The following DIMT1 variants were observed in gnomAD, a reference collection of about 807,000 sequenced individuals.
DIMT1 encodes the protein dimethyladenosine transferase.
In DIMT1, 36 loss-of-function variants were observed where a neutral mutation model predicts 43.2. That is an observed-to-expected ratio of 0.83 (90% CI 0.64 to 1.10). The LOEUF is 1.10. Among genes scored for constraint, DIMT1 ranks in the 50% least tolerant of loss-of-function variants. The pLI is 0.00. For missense variants in DIMT1, 341 were observed against 385.3 expected (o/e 0.88, Z 0.96); for synonymous variants, 126 against 130.3 (o/e 0.97, Z 0.22).
At chr5:62,394,794 T>C (rs1264233581) in intron 6 of DIMT1, among the ~76,000 whole-genome samples, 187 bp from the exon 7 acceptor site, 2 of 152,218 alleles carry the variant, frequency 1.3e-5, no homozygotes, top group African/African-American at 4.8e-5. Flanking sequence ...TTATAATTGC[T>C]GTACTCCTCA....
At chr5:62,398,967 TTATG>T in intron 3 of DIMT1, 86 bp from the exon 4 acceptor site, 1 of 1,055,054 alleles carries the variant, frequency 9.5e-7, no homozygotes, top group South Asian at 1.5e-5. Flanking sequence ...CTTACATGAT[TTATG>T]TGACAAACTT....
rs750140575 is a variant in DIMT1, at chr5:62,390,982, T to C, written c.793A>G (p.Ile265Val). The C allele has an allele frequency of 1.9e-6, 3 of 1,611,002 alleles. No individual in the cohort carries two copies. The highest frequency in any genetic ancestry group is 2.5e-6 in the Non-Finnish European group (3 of 1,177,456). The change falls in exon 11 of 12, where the codon ATA becomes GTA. Residue 265 changes from isoleucine (I) to valine (V), a missense_variant and splice_region_variant. Ile to Val is a conservative substitution (Grantham distance 29). Transcript: ENST00000199320. ...YRIHCSVHNI[I>V]IPEDFSIADK... ...GCTATGCTGAAATCTTCTGGTATTA[T>C]CTATCAATATAAGATTCAGAATAAA... is the stretch of plus-strand genomic sequence containing the variant.
At position 62,398,888 on chromosome 5, in the gene DIMT1, T is replaced by TA. The variant is rs750317949; in HGVS notation, c.241-8dup. On this transcript the variant is annotated splice_polypyrimidine_tract_variant and splice_region_variant and intron_variant, in intron 3 of 11. Coordinates refer to ENST00000199320, the MANE Select transcript of DIMT1 (RefSeq NM_014473.4). The stretch of plus-strand genomic sequence containing the variant: ...CAAGTTCACAAGCAACAACCTAATT[T>TA]AAAAAAAATAAAAATTATTTAGGTT... 1.3e-5 allele frequency: 21 copies of TA among 1,586,928 alleles called. No homozygotes were observed. The highest frequency in any genetic ancestry group is 6.9e-5 in the Admixed American group (4 of 58,172).
At position 62,399,442 on chromosome 5, in the gene DIMT1, G is replaced by A. The variant is rs139392241; in HGVS notation, c.241-561C>T. Among the ~76,000 whole-genome samples, 380 of 149,254 alleles carry A rather than the reference G, an allele frequency of 2.5e-3. 4 individuals are homozygous for A. Among genetic ancestry groups the A allele is most frequent in the African/African-American group, 9.2e-3 (369 of 40,324 alleles). ...GATCGCACCATTGCACTCCAGCTTG[G>A]GCAAGAGACAGAGACTCTTGTCTCA... is the stretch of plus-strand genomic sequence containing the variant. On this transcript the variant is annotated intron_variant, in intron 3 of 11. Coordinates refer to ENST00000199320, the MANE Select transcript of DIMT1 (RefSeq NM_014473.4).
At chr5:62,396,555 T>C (rs188425125) in intron 6 of DIMT1, among the ~76,000 whole-genome samples, 5 of 152,204 alleles carry the variant, frequency 3.3e-5, no homozygotes, top group Admixed American at 1.3e-4. Context: ...GTAAGGTGGA[T>C]ACCTAACCAT....
chr5:62,389,800 A>G (rs189548233), intron 11 of DIMT1, among the ~76,000 whole-genome samples: 1 of 152,312 alleles, frequency 6.6e-6, no homozygotes, highest in Non-Finnish European at 1.5e-5. Flanking sequence ...ATACCTATGT[A>G]CTTAATAGAT....
In DIMT1 at chr5:62,401,495, C is replaced by CAAAA. The variant is rs563279122; in HGVS notation, c.240+537_240+540dup. Among the ~76,000 whole-genome samples, 250 of 60,510 alleles carry CAAAA rather than the reference C, an allele frequency of 4.1e-3. 2 individuals carry two copies. The highest frequency in any genetic ancestry group is 0.015 in the African/African-American group (243 of 15,974). The allele number at this position is 60,510 out of a possible 152,430, so 39.7% of individuals were successfully genotyped here. On this transcript the variant is annotated intron_variant, in intron 3 of 11. Coordinates refer to ENST00000199320, the MANE Select transcript of DIMT1 (RefSeq NM_014473.4). ...GGGGAACAGTGTGAAATTCCCTCTC[C>CAAAA]AAAAAAAAAAAAAAAAAAAAAAAAT...
chr5:62,389,251 T>C (rs975547064), intron 11 of DIMT1, among the ~76,000 whole-genome samples, 199 bp from the exon 12 acceptor site: 3 of 152,120 alleles, frequency 2.0e-5, no homozygotes. Flanking sequence ...TTTGGGAGGC[T>C]GAGGCGGGTG....
intron 1 of DIMT1, 71 bp downstream of exon 1, chr5:62,403,623 C>A: frequency 1.3e-6 from 2 of 1,522,168 alleles, no homozygotes; most frequent in Admixed American, 1.9e-5. Flanking sequence ...AGGTCTTGGT[C>A]CGCACCCCAG....
chr5:62,403,495 G>T (rs1214961157), intron 1 of DIMT1, 149 bp from the exon 2 acceptor site: 2 of 984,910 alleles, frequency 2.0e-6, no homozygotes. Flanking sequence ...CTCTTTATAA[G>T]TTCATCCTCC....
In DIMT1 at chr5:62,398,752, G is replaced by A; in HGVS notation, c.303-13C>T. The A allele has an allele frequency of 6.2e-7, 1 of 1,614,006 alleles. No individual in the cohort carries two copies. On this transcript the variant is annotated splice_polypyrimidine_tract_variant and intron_variant, in intron 4 of 11. Transcript: ENST00000199320. ...GCTGGCCACAGGCCTGATGAGAAAA[G>A]AAGAAATGTAAAAAGAATGTTGTTT... is the stretch of plus-strand genomic sequence containing the variant.
chr5:62,396,343 A>T (rs2112045449), intron 6 of DIMT1, among the ~76,000 whole-genome samples: 1 of 151,474 alleles, frequency 6.6e-6, no homozygotes, highest in South Asian at 2.1e-4. Flanking sequence ...ACCCATCTCT[A>T]AAAAAAATAC....
intron 1 of DIMT1, 55 bp from the exon 2 acceptor site, chr5:62,403,401 A>G: frequency 6.4e-7 from 1 of 1,552,112 alleles, no homozygotes; most frequent in Non-Finnish European, 8.9e-7. Context: ...GATATTAGGC[A>G]GTACCAGAGA....
intron 6 of DIMT1, among the ~76,000 whole-genome samples, chr5:62,396,145 T>TTTTTTTTTTGTTTTTG (rs1237406349): frequency 2.0e-5 from 3 of 147,804 alleles, no homozygotes; most frequent in African/African-American, 7.6e-5. Context: ...GCAGGTTTTT[T>TTTTTTTTTTGTTTTTG]TTTTTTACAT....
intron 4 of DIMT1, 32 bp downstream of exon 4, chr5:62,398,788 A>C (rs758574393): frequency 5.0e-6 from 8 of 1,613,818 alleles, no homozygotes; most frequent in Non-Finnish European, 6.8e-6. Flanking sequence ...CATGAGATTG[A>C]AATGCACTTT....
intron 3 of DIMT1, among the ~76,000 whole-genome samples, chr5:62,401,333 T>C (rs557394744): frequency 1.2e-4 from 18 of 151,482 alleles, no homozygotes; most frequent in African/African-American, 3.9e-4. Context: ...GCATCTCTAC[T>C]AAAAATACAA....
chr5:62,392,328 T>C, intron 9 of DIMT1, 94 bp from the exon 10 acceptor site: 2 of 907,940 alleles, frequency 2.2e-6, no homozygotes, highest in Non-Finnish European at 3.5e-6. Flanking sequence ...ACATAAGCCA[T>C]TTAAGCAATA....
chr5:62,393,694 T>C (rs1017640767), intron 8 of DIMT1, among the ~76,000 whole-genome samples: 16 of 152,210 alleles, frequency 1.1e-4, no homozygotes, highest in East Asian at 3.8e-4. Context: ...ATAATACTAC[T>C]TTAAAACAAC....
intron 3 of DIMT1, among the ~76,000 whole-genome samples, chr5:62,401,356 G>A (rs987693904): frequency 1.3e-5 from 2 of 151,282 alleles, no homozygotes; most frequent in Admixed American, 6.6e-5. Context: ...ATTAGCTGGT[G>A]TGGGGGCAGG....
Sources: allele counts gnomAD v4.1 joint callset (sites outside exome capture counted in the v4.1 genomes callset), GRCh38; gene constraint gnomAD v4.1.1; transcripts MANE v1.5; gene names NCBI Gene and HGNC (gene_info 2026-07-23, HGNC 2026-07-21).